The following SYNE2 variants were observed in gnomAD, a reference collection of about 807,000 sequenced individuals.
SYNE2 encodes the protein spectrin repeat containing nuclear envelope protein 2, also known as nesprin-2.
Under a neutral mutation model 856.3 loss-of-function variants are expected in SYNE2, and 431 were observed. That is an observed-to-expected ratio of 0.50 (90% CI 0.47 to 0.55). The LOEUF is 0.55. SYNE2 is among the 20% of genes least tolerant of loss of function. The pLI, the probability that SYNE2 is intolerant of heterozygous loss-of-function variation, is 0.00. For missense variants in SYNE2, 8,129 were observed against 8,023.2 expected (o/e 1.01, Z -0.50); for synonymous variants, 2,923 against 2,872.3 (o/e 1.02, Z -0.56).
At chr14:64,180,715 G>A (rs1380413656) in intron 96 of SYNE2, among the ~76,000 whole-genome samples, 1 of 152,114 alleles carries the variant, frequency 6.6e-6, no homozygotes, top group Non-Finnish European at 1.5e-5. Context: ...TGTTGGCCAG[G>A]CTGGTCTCTA....
Position 64,029,896 on chromosome 14 carries a change from A to C in SYNE2, c.6716A>C (p.Asp2239Ala). 6.2e-7 allele frequency: 1 copy of C among 1,613,390 alleles called. No individual in the cohort carries two copies. Among genetic ancestry groups the C allele is most frequent in the Non-Finnish European group, 8.5e-7 (1 of 1,179,656 alleles). The stretch of plus-strand genomic sequence containing the variant: ...AATTGTCTGTGGCTTTATTTTTAGG[A>C]TTCTGTGCAAAACTTGGACGGTCAC... ...LHESLLQQLQ[D>A]SVQNLDGHVR... Residue 2239 changes from aspartate to alanine, a missense_variant and splice_region_variant, in exon 44 of 116, where the codon GAT becomes GCT. Physicochemically the swap from Asp to Ala is moderately radical, Grantham distance 126 (BLOSUM62 -2). Around this residue, in one of 3 missense-constraint regions of SYNE2, gnomAD observed 297 missense variants for 380.9 expected, o/e 0.78. Coordinates refer to ENST00000555002, the MANE Select transcript of SYNE2 (RefSeq NM_182914.3).
intron 1 of SYNE2, among the ~76,000 whole-genome samples, chr14:63,842,276 A>T (rs1890093139): frequency 6.6e-6 from 1 of 151,934 alleles, no homozygotes. Flanking sequence ...GGCTCAAGCA[A>T]TTCTTGTGAC....
chr14:64,132,126 C>T, intron 76 of SYNE2, 139 bp from the exon 77 acceptor site: 1 of 942,016 alleles, frequency 1.1e-6, no homozygotes, highest in South Asian at 1.6e-5. Context: ...CTTGGCCAGG[C>T]TGGTCAATTT....
At chr14:63,992,897 A>G (rs2096679937) in intron 21 of SYNE2, among the ~76,000 whole-genome samples, 1 of 152,134 alleles carries the variant, frequency 6.6e-6, no homozygotes, top group Non-Finnish European at 1.5e-5. Flanking sequence ...AAAATGTGTA[A>G]TGAGTGAATG....
At chr14:63,812,654 T>C in intron 1 of SYNE2, among the ~76,000 whole-genome samples, 1 of 152,138 alleles carries the variant, frequency 6.6e-6, no homozygotes, top group East Asian at 1.9e-4. Flanking sequence ...ATTATAAAAG[T>C]TTTAATTTTG....
intron 90 of SYNE2, chr14:64,166,948 A>C (rs1347678408): frequency 2.3e-6 from 1 of 435,966 alleles, no homozygotes; most frequent in Non-Finnish European, 4.2e-6. Context: ...ATAAAAAATA[A>C]AAAAGCCTAT....
chr14:63,940,146 C>T (rs373518779), intron 2 of SYNE2, among the ~76,000 whole-genome samples: 38 of 147,594 alleles, frequency 2.6e-4, no homozygotes, highest in East Asian at 1.0e-3. Context: ...GGCATGATCA[C>T]GACTCACTGC....
At chr14:64,047,321 G>T (rs1171414276) in intron 45 of SYNE2, among the ~76,000 whole-genome samples, 1 of 152,150 alleles carries the variant, frequency 6.6e-6, no homozygotes, top group Non-Finnish European at 1.5e-5. Context: ...CGCAAAAAAG[G>T]TTAAAGCGAA....
Position 64,122,012 on chromosome 14 carries a change from G to T in SYNE2, c.13159G>T (p.Val4387Phe), listed in dbSNP as rs764515386. 2.5e-6 allele frequency: 4 copies of T among 1,613,248 alleles called. No individual in the cohort carries two copies. The highest frequency in any genetic ancestry group is 1.7e-5 in the Admixed American group (1 of 59,998). ...CCATTTGAATCTCATTCAATTACAG[G>T]TTCTGGAGTTAAAACCAATGGAACA... Reference protein sequence around the residue: ...SRQKDFQQQQVLELKPMEQKD... With the variant: ...SRQKDFQQQQFLELKPMEQKD... The change falls in exon 69 of 116, where the codon GTT (valine) becomes TTT (phenylalanine). Residue 4387 changes from valine to phenylalanine, a missense_variant and splice_region_variant. By Grantham distance (50) the Val-to-Phe change is conservative (BLOSUM62 -1). Around this residue, in one of 3 missense-constraint regions of SYNE2, gnomAD observed 5,410 missense variants for 5,284.8 expected, o/e 1.02. Transcript: ENST00000555002.
At chr14:64,097,373 C>G (rs750273352) in intron 61 of SYNE2, among the ~76,000 whole-genome samples, 4 of 151,956 alleles carry the variant, frequency 2.6e-5, no homozygotes, top group Admixed American at 2.6e-4. Context: ...ACCAAAGAAG[C>G]CTTCAAAGAT....
rs755080518 is a variant in SYNE2 at position 64,140,383 on chromosome 14, T to C, written c.14976+310T>C. 4.6e-5 allele frequency among the ~76,000 whole-genome samples: 7 copies of C among 152,286 alleles called. No homozygotes were observed. In the South Asian group the frequency reaches 8.3e-4, roughly 18 times the overall value. Reference sequence around the variant, plus strand: ...GGATCAGCTGAGATCGGGATTTCGATACCAGCCTGACAAACATGGAGAAAC... The same window carrying C: ...GGATCAGCTGAGATCGGGATTTCGACACCAGCCTGACAAACATGGAGAAAC... On this transcript the variant is annotated intron_variant, in intron 80 of 115. Transcript: ENST00000555002.
intron 1 of SYNE2, among the ~76,000 whole-genome samples, chr14:63,869,395 G>A (rs1238782468): frequency 6.6e-6 from 1 of 152,066 alleles, no homozygotes; most frequent in Non-Finnish European, 1.5e-5. Flanking sequence ...GGAGGCCGAG[G>A]TGGATCTCCT....
intron 19 of SYNE2, 131 bp downstream of exon 19, chr14:63,986,748 G>A (rs2096628617): frequency 1.9e-6 from 2 of 1,027,906 alleles, no homozygotes; most frequent in Middle Eastern, 2.1e-4. Context: ...TTTTAAAAAT[G>A]AATGGATTTT....
chr14:64,192,558 G>C (rs1168047799), intron 99 of SYNE2, among the ~76,000 whole-genome samples: 3 of 152,186 alleles, frequency 2.0e-5, no homozygotes, highest in Non-Finnish European at 4.4e-5. Context: ...ACAGCTGGGG[G>C]AAAAGGAGTT....
At chr14:63,930,090 G>T (rs985574204) in intron 2 of SYNE2, among the ~76,000 whole-genome samples, 5 of 152,054 alleles carry the variant, frequency 3.3e-5, no homozygotes, top group African/African-American at 7.2e-5. Flanking sequence ...TTCGAGACCA[G>T]CCTGGATGAC....
At chr14:63,869,317 C>CT in intron 1 of SYNE2, among the ~76,000 whole-genome samples, 1 of 152,272 alleles carries the variant, frequency 6.6e-6, no homozygotes, top group East Asian at 1.9e-4. Flanking sequence ...TGAGCCCCTA[C>CT]TTTTTCATCT....
At chr14:63,899,717 G>A (rs2095309921) in intron 1 of SYNE2, among the ~76,000 whole-genome samples, 1 of 152,012 alleles carries the variant, frequency 6.6e-6, no homozygotes, top group South Asian at 2.1e-4. Flanking sequence ...GCCTAGGCTG[G>A]TCTAGAACAC....
At chr14:63,955,227 T>C (rs10132057) in intron 8 of SYNE2, among the ~76,000 whole-genome samples, 29,605 of 152,142 alleles carry the variant, frequency 0.19, 3,278 homozygotes, top group African/African-American at 0.31. Context: ...TAAATCTCTT[T>C]TGTAAGATGT....
At chr14:64,224,845 C>G in intron 114 of SYNE2, 154 bp from the exon 115 acceptor site, 1 of 767,274 alleles carries the variant, frequency 1.3e-6, no homozygotes, top group Non-Finnish European at 2.3e-6. Flanking sequence ...CTTCAGGTGA[C>G]GTTTAATCTC....
Sources: allele counts gnomAD v4.1 joint callset (sites outside exome capture counted in the v4.1 genomes callset), GRCh38; gene constraint gnomAD v4.1.1; regional missense constraint gnomAD v4.1.1; transcripts MANE v1.5; gene names NCBI Gene and HGNC (gene_info 2026-07-23, HGNC 2026-07-21).